PML: variants seen among roughly 807,000 people sequenced by gnomAD.
PML encodes the protein PML nuclear body scaffold, also known as protein PML.
In PML, 28 loss-of-function variants were observed where a neutral mutation model predicts 65.2. The observed-to-expected ratio is 0.43, with a 90% CI of 0.32 to 0.59. The LOEUF is 0.59. Among genes scored for constraint, PML ranks in the 20% least tolerant of loss-of-function variants. PML has a pLI of 0.08. For missense variants in PML, 1,021 were observed against 1,203.4 expected (o/e 0.85, Z 2.24); for synonymous variants, 500 against 508.8 (o/e 0.98, Z 0.23).
At chr15:74,005,580 T>TC (rs200083540) in intron 2 of PML, among the ~76,000 whole-genome samples, 1 of 137,068 alleles carries the variant, frequency 7.3e-6, no homozygotes, top group African/African-American at 2.6e-5. Flanking sequence ...TGGGTTTTTT[T>TC]CCCCCCAGCA....
At chr15:73,998,618 G>T in intron 2 of PML, 142 bp downstream of exon 2, 1 of 724,930 alleles carries the variant, frequency 1.4e-6, no homozygotes, top group Non-Finnish European at 2.3e-6. Flanking sequence ...CAGATATGCA[G>T]TGTCCGTGTT....
At position 74,044,237 on chromosome 15, in the gene PML, G is replaced by C. The variant is rs147197708; in HGVS notation, c.1878G>C (p.Gln626His). The C allele has an allele frequency of 6.2e-7, 1 of 1,613,710 alleles. No individual in the cohort carries two copies. The highest frequency in any genetic ancestry group is 8.5e-7 in the Non-Finnish European group (1 of 1,180,020). The change falls in exon 9 of 9, where the codon CAG becomes CAC. Residue 626 changes from glutamine (Q) to histidine (H), a missense_variant. Transcript: ENST00000268058. The part of the protein sequence containing the change: ...KIDNETQKIS[Q>H]LAAVNRESKF... Reference sequence around the variant, plus strand: ...CCTGCCCAGCCCAGAAGATTAGCCAGCTGGCTGCGGTGAACCGGGAAAGCA... The same window carrying C: ...CCTGCCCAGCCCAGAAGATTAGCCACCTGGCTGCGGTGAACCGGGAAAGCA...
chr15:74,032,589 A>G lies in PML; in HGVS notation c.1272A>G (p.Arg424=). ...CTTTGCAGCCCGAGGAGGCAGAGAG[A>G]GTGAAGGCCCAGGTTCAGGCCCTGG... The part of the protein sequence containing the change: ...IDVDLPEEAE[R]VKAQVQALGL... Residue 424 remains arginine, a synonymous_variant, in exon 5 of 9, where the codon AGA becomes AGG. Coordinates refer to ENST00000268058, the MANE Select transcript of PML (RefSeq NM_033238.3). 1 of 1,614,036 alleles carries G rather than the reference A, an allele frequency of 6.2e-7. No individual in the cohort carries two copies. Among genetic ancestry groups the G allele is most frequent in the Non-Finnish European group, 8.5e-7 (1 of 1,179,990 alleles).
Position 74,034,906 on chromosome 15 carries a change from G to A in PML, c.1710+376G>A, listed in dbSNP as rs1426095819. On this transcript the variant is annotated intron_variant, in intron 7 of 8. Coordinates refer to ENST00000268058, the MANE Select transcript of PML (RefSeq NM_033238.3). ...GGTTTATTACAGCCAGTGGGGGCCA[G>A]TGAAGGGGTGTCAGGCCACAGGGCA... 2.8e-6 allele frequency: 4 copies of A among 1,440,170 alleles called. No homozygotes were observed. In the East Asian group the frequency reaches 1.0e-4, roughly 36 times the overall value. 89.2% of individuals were successfully genotyped at this position (1,440,170 alleles called of 1,614,324 possible).
chr15:74,035,748 A>G lies in PML; in HGVS notation c.1710+1218A>G, dbSNP rs142557214. 6 of 1,613,960 alleles carry G rather than the reference A, an allele frequency of 3.7e-6. No individual in the cohort carries two copies. The highest frequency in any genetic ancestry group is 2.2e-5 in the South Asian group (2 of 91,086). On this transcript the variant is annotated intron_variant, in intron 7 of 8. Coordinates refer to ENST00000268058, the MANE Select transcript of PML (RefSeq NM_033238.3). This position sits in a 1 kb window ranked among gnomAD's most constrained non-coding sequence, Gnocchi z 4.1. ...CTCCTCCATGGCTTCCCAGCTTGAC[A>G]TGTCTTCCGTGGTGGGGGCAGGGGA... is the stretch of plus-strand genomic sequence containing the variant.
Position 74,035,996 on chromosome 15 carries a change from C to T in PML, c.1710+1466C>T, listed in dbSNP as rs200958951. 80 of 1,614,088 alleles carry T rather than the reference C, an allele frequency of 5.0e-5. No homozygotes were observed. Among genetic ancestry groups the T allele is most frequent in the Non-Finnish European group, 6.2e-5 (73 of 1,180,038 alleles). On this transcript the variant is annotated intron_variant, in intron 7 of 8. Coordinates refer to ENST00000268058, the MANE Select transcript of PML (RefSeq NM_033238.3). The surrounding 1 kb of genome is among the most constrained non-coding windows in gnomAD (Gnocchi z 4.1). ...TAACCTTGCAGCCAACACCCCTGCC[C>T]GGCCCCTGAGCTGCCTCCTCCAGCC...
intron 1 of PML, among the ~76,000 whole-genome samples, chr15:73,996,663 A>C (rs1032853865): frequency 3.3e-5 from 5 of 152,248 alleles, no homozygotes; most frequent in African/African-American, 4.8e-5. Context: ...TTTCAGAGCT[A>C]TTCCTGTATC....
chr15:74,025,880 T>TGGAGG (rs1474791265), intron 4 of PML: 2 of 152,480 alleles, frequency 1.3e-5, no homozygotes, highest in East Asian at 3.9e-4. Context: ...GGCCCAGGAC[T>TGGAGG]GGCCAGTCCT....
intron 2 of PML, 80 bp downstream of exon 2, chr15:73,998,556 C>A: frequency 8.0e-7 from 1 of 1,254,830 alleles, no homozygotes; most frequent in Non-Finnish European, 1.1e-6. Flanking sequence ...CAAAGAGTCA[C>A]ACAGCTGAGG....
chr15:74,006,467 A>T (rs928792782), intron 2 of PML, among the ~76,000 whole-genome samples: 2 of 152,036 alleles, frequency 1.3e-5, no homozygotes, highest in Non-Finnish European at 2.9e-5. Context: ...CACATCTAGC[A>T]TGGGAATTGT....
intron 7 of PML, chr15:74,036,404 A>G (rs2071562445): frequency 7.5e-7 from 1 of 1,332,252 alleles, no homozygotes; most frequent in Admixed American, 3.2e-5. Flanking sequence ...ACCCTTGCGA[A>G]CCCTTATTCC....
chr15:74,006,663 A>T (rs1178618976), intron 2 of PML, among the ~76,000 whole-genome samples: 3 of 152,194 alleles, frequency 2.0e-5, no homozygotes, highest in African/African-American at 7.2e-5. Flanking sequence ...TGCTAGAAGG[A>T]ATACCTGAGG....
At chr15:74,002,556 G>A (rs1384198123) in intron 2 of PML, among the ~76,000 whole-genome samples, 1 of 144,198 alleles carries the variant, frequency 6.9e-6, no homozygotes, top group Non-Finnish European at 1.5e-5. Context: ...TGTTTCTCCT[G>A]CCTCAGCCTC....
At position 74,033,245 on chromosome 15, in the gene PML, G is replaced by A. The variant is rs2071399522; in HGVS notation, c.1488G>A (p.Gly496=). The A allele has an allele frequency of 6.2e-7, 1 of 1,614,232 alleles. No individual in the cohort carries two copies. Among genetic ancestry groups the A allele is most frequent in the African/African-American group, 1.3e-5 (1 of 75,062 alleles). The part of the protein sequence containing the change: ...RKVIKMESEE[G]KEARLARSSP... ...TCATCAAGATGGAGTCTGAGGAGGG[G>A]AAGGAGGCAAGGTTGGCTCGGAGCT... The change falls in exon 6 of 9, where the codon GGG becomes GGA. Residue 496 remains glycine (G), a synonymous_variant. Transcript: ENST00000268058.
At chr15:74,015,559 G>A (rs936997280) in intron 2 of PML, among the ~76,000 whole-genome samples, 1 of 152,218 alleles carries the variant, frequency 6.6e-6, no homozygotes, top group Non-Finnish European at 1.5e-5. Flanking sequence ...TAGAACAGCA[G>A]AAGTAGCATG....
In PML at chr15:74,023,420, C is replaced by T. The variant is rs1484500332; in HGVS notation, c.1183+12C>T. On this transcript the variant is annotated intron_variant, in intron 3 of 8. Transcript: ENST00000268058. ...CACCCAGGGGAAAGGTAAGCACGCA[C>T]GCCACCTTCCTGGGCGGCCTGTGCC... 2 of 1,591,394 alleles carry T rather than the reference C, an allele frequency of 1.3e-6. No homozygotes were observed. The highest frequency in any genetic ancestry group is 1.7e-6 in the Non-Finnish European group (2 of 1,174,454).
chr15:74,043,458 C>T lies in PML; in HGVS notation c.1861+319C>T. 8.0e-7 allele frequency: 1 copy of T among 1,247,100 alleles called. No homozygotes were observed. The highest frequency in any genetic ancestry group is 1.6e-5 in the South Asian group (1 of 62,348). The allele number at this position is 1,247,100 out of a possible 1,614,324, so 77.3% of individuals were successfully genotyped here. A position where few individuals can be genotyped will look rare whatever the true frequency, so the allele number is the denominator to read the frequency against. ...TAGACAGAAACACAATGCGTGAGCTCATTGCCGTGAGCCCTGTCATCCAAG... is the reference window on the plus strand; with the variant it reads ...TAGACAGAAACACAATGCGTGAGCTTATTGCCGTGAGCCCTGTCATCCAAG... On this transcript the variant is annotated intron_variant, in intron 8 of 8. Transcript: ENST00000268058. The surrounding 1 kb of genome is among the most constrained non-coding windows in gnomAD (Gnocchi z 4.3).
Position 74,045,126 on chromosome 15 carries a change from G to C in PML, c.*118G>C. ...GGTACCCAGCCCTCAGTTGTCATTT[G>C]GTTCAGAATCAGTTCCCTTTCTCTG... On this transcript the variant is annotated 3_prime_UTR_variant, in exon 9 of 9. Transcript: ENST00000268058. The C allele has an allele frequency of 1.1e-6, 1 of 942,124 alleles. No individual in the cohort carries two copies. The allele number at this position is 942,124 out of a possible 1,614,324, so 58.4% of individuals were successfully genotyped here. A position where few individuals can be genotyped will look rare whatever the true frequency, so the allele number is the denominator to read the frequency against.
chr15:74,010,459 G>A (rs1436242228), intron 2 of PML, among the ~76,000 whole-genome samples: 1 of 149,216 alleles, frequency 6.7e-6, no homozygotes, highest in Non-Finnish European at 1.5e-5. Flanking sequence ...TGAGGCTGCA[G>A]TAAGCCATAA....
Sources: allele counts gnomAD v4.1 joint callset (sites outside exome capture counted in the v4.1 genomes callset), GRCh38; gene constraint gnomAD v4.1.1; non-coding constraint Gnocchi (gnomAD v3.1); transcripts MANE v1.5; gene names NCBI Gene and HGNC (gene_info 2026-07-23, HGNC 2026-07-21).